Variants in PCDHAC1 observed in about 807,000 individuals in gnomAD.
PCDHAC1 encodes protocadherin alpha-C1.
In PCDHAC1, 42 loss-of-function variants were observed where a neutral mutation model predicts 60.0. That is an observed-to-expected ratio of 0.70 (90% CI 0.55 to 0.90). PCDHAC1 has a LOEUF of 0.90. Ranked by LOEUF, PCDHAC1 falls within the 40% of genes least tolerant of loss-of-function variation. The probability of loss-of-function intolerance (pLI) is 0.00; values close to 1 mark genes in which losing one functional copy is unlikely to be tolerated. For missense variants in PCDHAC1, 1,160 were observed against 1,222.3 expected (o/e 0.95, Z 0.76); for synonymous variants, 468 against 499.3 (o/e 0.94, Z 0.84).
chr5:140,930,196 T>A (rs1554207641), intron 1 of PCDHAC1: 3 of 152,226 alleles, frequency 2.0e-5, no homozygotes, highest in African/African-American at 7.2e-5. Context: ...AATTTTTATG[T>A]CAGAAATATT....
At chr5:140,959,751 T>C (rs553950058) in intron 1 of PCDHAC1, among the ~76,000 whole-genome samples, 12 of 152,210 alleles carry the variant, frequency 7.9e-5, no homozygotes, top group Non-Finnish European at 1.8e-4. Flanking sequence ...CCTTAAAGTA[T>C]ATTTTAATAT....
rs200493520 is a variant in PCDHAC1 at position 140,928,140 on chromosome 5, G to T, written c.1248G>T (p.Thr416=). ...TCAGTGAATACCAAGTCCTGATCAC[G>T]GCCTCAGATAGTGGCTCACCCCCAC... ...EQISEYQVLI[T]ASDSGSPPLS... The change falls in exon 1 of 4, where the codon ACG becomes ACT. Residue 416 remains threonine (T), a synonymous_variant. Transcript: ENST00000253807. The T allele has an allele frequency of 2.5e-6, 4 of 1,614,154 alleles. No homozygotes were observed. In the East Asian group the frequency reaches 6.7e-5, roughly 27 times the overall value.
chr5:140,977,429 C>T (rs143756065), intron 1 of PCDHAC1, among the ~76,000 whole-genome samples: 9 of 152,228 alleles, frequency 5.9e-5, no homozygotes, highest in South Asian at 2.1e-4. Context: ...CCTCTAACAC[C>T]GCTAGTAGAT....
intron 1 of PCDHAC1, among the ~76,000 whole-genome samples, chr5:140,977,307 G>A (rs1023836424): frequency 6.6e-6 from 1 of 152,304 alleles, no homozygotes; most frequent in Non-Finnish European, 1.5e-5. Context: ...ACAAGCTAAC[G>A]ATAGTGCTCC....
chr5:140,927,265 C>G lies in PCDHAC1; in HGVS notation c.373C>G (p.Pro125Ala), dbSNP rs2084026948. The G allele has an allele frequency of 6.2e-7, 1 of 1,614,168 alleles. No individual in the cohort carries two copies. Among genetic ancestry groups the G allele is most frequent in the Non-Finnish European group, 8.5e-7 (1 of 1,180,038 alleles). Residue 125 changes from proline (P) to alanine (A), a missense_variant, in exon 1 of 4, where the codon CCT becomes GCT. Pro to Ala is a conservative substitution (Grantham distance 27). Coordinates refer to ENST00000253807, the MANE Select transcript of PCDHAC1 (RefSeq NM_018898.5). ...LDTNDNSPLF[P>A]AGDVQLHIPE... ...CACCAATGACAACTCACCTCTCTTTCCTGCCGGCGACGTGCAGCTGCACAT... is the reference window on the plus strand; with the variant it reads ...CACCAATGACAACTCACCTCTCTTTGCTGCCGGCGACGTGCAGCTGCACAT...
chr5:140,951,145 T>G (rs2094553191), intron 1 of PCDHAC1, among the ~76,000 whole-genome samples: 1 of 100,698 alleles, frequency 9.9e-6, no homozygotes, highest in South Asian at 2.6e-4. Flanking sequence ...TTTATCTTAT[T>G]GAATATAGTT....
chr5:140,937,567 G>A lies in PCDHAC1; in HGVS notation c.2433+8242G>A, dbSNP rs1218260457. On this transcript the variant is annotated intron_variant, in intron 1 of 3. Transcript: ENST00000253807. ...GCGAGGCAGAGGTTGCAGTGAGCTG[G>A]GATCGCGTCACTGCACTCTAGCCTG... 1.9e-3 allele frequency among the ~76,000 whole-genome samples: 288 copies of A among 150,684 alleles called. 1 individual carries two copies. Among genetic ancestry groups the A allele is most frequent in the African/African-American group, 6.8e-3 (278 of 40,792 alleles).
chr5:140,972,241 GC>G (rs1162351861), intron 1 of PCDHAC1, among the ~76,000 whole-genome samples: 1 of 151,838 alleles, frequency 6.6e-6, no homozygotes, highest in Non-Finnish European at 1.5e-5. Flanking sequence ...CTGGGCTCAA[GC>G]AATCCTCACA....
chr5:140,929,443 T>C, intron 1 of PCDHAC1, 118 bp downstream of exon 1: 1 of 1,426,882 alleles, frequency 7.0e-7, no homozygotes, highest in Non-Finnish European at 9.3e-7. Flanking sequence ...AAACACTCCT[T>C]CTTAGCACTT....
chr5:140,969,549 C>G (rs1213967618), intron 1 of PCDHAC1: 33 of 1,238,058 alleles, frequency 2.7e-5, no homozygotes, highest in Non-Finnish European at 3.4e-5. Flanking sequence ...AGGCATGAAG[C>G]CTTGTCCATA....
At chr5:140,966,259 G>C (rs1358322921) in intron 1 of PCDHAC1, 1 of 340,612 alleles carries the variant, frequency 2.9e-6, no homozygotes, top group Non-Finnish European at 5.3e-6. Context: ...AGACGGTGGA[G>C]ACTGGATGAA....
Position 140,927,318 on chromosome 5 carries a change from C to T in PCDHAC1, c.426C>T (p.Arg142=), listed in dbSNP as rs149532133. Residue 142 remains arginine (R), a synonymous_variant, in exon 1 of 4, where the codon CGC becomes CGT. Coordinates refer to ENST00000253807, the MANE Select transcript of PCDHAC1 (RefSeq NM_018898.5). ...HIPEFLTPGA[R]FTLPNAQDDD... ...CCGAGTTCCTGACGCCCGGAGCCCG[C>T]TTTACTCTCCCGAATGCCCAAGATG... 18,448 of 1,614,194 alleles carry T rather than the reference C, an allele frequency of 0.011. 218 individuals are homozygous for T. The highest frequency in any genetic ancestry group is 0.039 in the South Asian group (3,507 of 91,084).
At chr5:140,998,347 T>C (rs2097807005) in intron 3 of PCDHAC1, among the ~76,000 whole-genome samples, 1 of 152,202 alleles carries the variant, frequency 6.6e-6, no homozygotes, top group Non-Finnish European at 1.5e-5. Context: ...TCTGAGTCTG[T>C]GCTCTTAACC....
intron 1 of PCDHAC1, among the ~76,000 whole-genome samples, chr5:140,946,679 C>T (rs556487333): frequency 4.1e-5 from 6 of 144,812 alleles, no homozygotes; most frequent in East Asian, 4.0e-4. Flanking sequence ...TCCTGTCATT[C>T]GTGACAATAT....
intron 1 of PCDHAC1, among the ~76,000 whole-genome samples, chr5:140,960,521 A>C (rs950989969): frequency 9.9e-5 from 15 of 152,162 alleles, no homozygotes; most frequent in Non-Finnish European, 1.5e-5. Context: ...CATAATGGGT[A>C]TAGGAAAGAG....
intron 1 of PCDHAC1, among the ~76,000 whole-genome samples, chr5:140,965,644 G>A (rs201197561): frequency 6.6e-6 from 1 of 152,028 alleles, no homozygotes; most frequent in African/African-American, 2.4e-5. Flanking sequence ...AATTACTCTT[G>A]AAAGAAAATG....
intron 1 of PCDHAC1, chr5:140,966,342 T>G: frequency 2.5e-6 from 1 of 395,470 alleles, no homozygotes; most frequent in Non-Finnish European, 4.4e-6. Flanking sequence ...AGGTCCAGGG[T>G]GAAGGAGATG....
chr5:140,941,573 C>T (rs1220556647), intron 1 of PCDHAC1, among the ~76,000 whole-genome samples: 1 of 152,108 alleles, frequency 6.6e-6, no homozygotes, highest in African/African-American at 2.4e-5. Flanking sequence ...CCTCAGCCTC[C>T]CAAAGTGCTG....
Position 140,927,828 on chromosome 5 carries a change from G to A in PCDHAC1, c.936G>A (p.Ala312=), listed in dbSNP as rs782244639. The A allele has an allele frequency of 7.4e-6, 12 of 1,614,074 alleles. No individual in the cohort carries two copies. The South Asian group carries it at 9.9e-5, about 13-fold the overall frequency. Residue 312 remains alanine (A), a synonymous_variant, in exon 1 of 4, where the codon GCG becomes GCA. Coordinates refer to ENST00000253807, the MANE Select transcript of PCDHAC1 (RefSeq NM_018898.5). The part of the protein sequence containing the change: ...PETLLEAYIE[A]RDEGVFGLAS... ...CGCTCTTGGAGGCATACATTGAGGC[G>A]AGGGACGAAGGTGTCTTTGGTTTAG...
Sources: allele counts gnomAD v4.1 joint callset (sites outside exome capture counted in the v4.1 genomes callset), GRCh38; gene constraint gnomAD v4.1.1; transcripts MANE v1.5; gene names NCBI Gene and HGNC (gene_info 2026-07-23, HGNC 2026-07-21).